SRPK1: variants seen among roughly 807,000 people sequenced by gnomAD.
SRPK1 encodes SFRS protein kinase 1.
A neutral mutation model predicts 89.5 loss-of-function variants in SRPK1; 52 were observed. The ratio of observed to expected loss-of-function variants is 0.58; its 90% CI spans 0.46 to 0.73. The LOEUF is 0.73. Among genes scored for constraint, SRPK1 ranks in the 30% least tolerant of loss-of-function variants. The probability of loss-of-function intolerance (pLI) is 0.00; values close to 1 mark genes in which losing one functional copy is unlikely to be tolerated. For synonymous variants in SRPK1, 255 were observed against 270.2 expected, an observed-to-expected ratio of 0.94 and a Z score of 0.55; for missense variants, 603 against 780.6, an observed-to-expected ratio of 0.77 and a Z score of 2.71.
At chr6:35,839,004 G>A (rs1769243269) in intron 14 of SRPK1, among the ~76,000 whole-genome samples, 1 of 152,200 alleles carries the variant, frequency 6.6e-6, no homozygotes, top group Admixed American at 6.5e-5. Flanking sequence ...GGATTTTGGA[G>A]GCTTATCTTC....
rs537008766 is a variant in SRPK1, at chr6:35,891,593, C to T, written c.75-580G>A. Among the ~76,000 whole-genome samples the T allele has an allele frequency of 7.8e-4, 119 of 152,014 alleles. 1 individual carries two copies. The highest frequency in any genetic ancestry group is 2.5e-3 in the African/African-American group (102 of 41,456). ...AAAATTTGCCCAGCGTGGTGGTGGG[C>T]ACCCCACGCTGTAATCCCAGCTACT... On this transcript the variant is annotated intron_variant, in intron 2 of 15. Coordinates refer to ENST00000373825, the MANE Select transcript of SRPK1 (RefSeq NM_003137.5).
chr6:35,857,489 T>C, intron 12 of SRPK1, 121 bp from the exon 13 acceptor site: 1 of 772,526 alleles, frequency 1.3e-6, no homozygotes, highest in Non-Finnish European at 2.1e-6. Flanking sequence ...AGTTCTCACT[T>C]TGCTTATTTC....
intron 2 of SRPK1, 73 bp from the exon 3 acceptor site, chr6:35,891,086 C>A: frequency 1.4e-6 from 2 of 1,469,644 alleles, no homozygotes; most frequent in South Asian, 1.4e-5. Flanking sequence ...GCTGCCCTCC[C>A]CACAAAAAAC....
At chr6:35,915,317 G>A (rs1314938491) in intron 2 of SRPK1, among the ~76,000 whole-genome samples, 1 of 150,042 alleles carries the variant, frequency 6.7e-6, no homozygotes, top group East Asian at 2.0e-4. Context: ...TGAGGCAGGA[G>A]AATGGCATGA....
At chr6:35,918,447 G>C (rs906521773) in intron 2 of SRPK1, among the ~76,000 whole-genome samples, 2 of 151,864 alleles carry the variant, frequency 1.3e-5, no homozygotes, top group African/African-American at 2.4e-5. Context: ...GTTGCAGTGA[G>C]CCGAGATCGC....
chr6:35,874,553 C>T (rs954703816), intron 6 of SRPK1, among the ~76,000 whole-genome samples: 2 of 152,092 alleles, frequency 1.3e-5, no homozygotes, highest in Admixed American at 6.5e-5. Context: ...AAATTGTGGG[C>T]GGCTGGCTTC....
At position 35,870,487 on chromosome 6, in the gene SRPK1, T is replaced by C. The variant is rs924782494; in HGVS notation, c.785A>G (p.Lys262Arg). Residue 262 changes from lysine (K) to arginine (R), a missense_variant, in exon 10 of 16, where the codon AAA becomes AGA. Transcript: ENST00000373825. The stretch of plus-strand genomic sequence containing the variant: ...TTTCTTCTTCTTATTCTTTGACATT[T>C]TGTCAGCCTGGGCGGAGATTACAAA... ...STAPQPKPADKMSKNKKKKLK... is the reference protein window; with the variant it reads ...STAPQPKPADRMSKNKKKKLK... The C allele has an allele frequency of 1.9e-6, 3 of 1,551,064 alleles. No homozygotes were observed. The Admixed American group carries it at 5.9e-5, about 30-fold the overall frequency.
intron 12 of SRPK1, among the ~76,000 whole-genome samples, chr6:35,860,231 T>C (rs928591367): frequency 6.6e-6 from 1 of 152,178 alleles, no homozygotes; most frequent in African/African-American, 2.4e-5. Context: ...TGAAACTTAA[T>C]GTCCAATGTT....
intron 6 of SRPK1, among the ~76,000 whole-genome samples, chr6:35,885,112 T>C (rs565197112): frequency 3.2e-4 from 49 of 152,276 alleles, no homozygotes; most frequent in Admixed American, 2.1e-3. Context: ...TTTCTATAGT[T>C]TTACTTGGAA....
chr6:35,838,778 C>T, intron 14 of SRPK1: 1 of 1,382,226 alleles, frequency 7.2e-7, no homozygotes, highest in Non-Finnish European at 9.7e-7. Flanking sequence ...CCTATCAGCT[C>T]TATAATGTGC....
rs575376625 is a variant in SRPK1 at position 35,850,273 on chromosome 6, C to T, written c.1620+6988G>A. Among the ~76,000 whole-genome samples the T allele has an allele frequency of 2.6e-5, 4 of 152,212 alleles. No individual in the cohort carries two copies. In the East Asian group the frequency reaches 5.8e-4, roughly 22 times the overall value. On this transcript the variant is annotated intron_variant, in intron 13 of 15. Transcript: ENST00000373825. ...CAAACCAGATATGCCAAGTTTTGTT[C>T]AAATTTTGTTTAGAAGTCTACTTAC...
chr6:35,920,893 A>T, intron 1 of SRPK1, 151 bp downstream of exon 1: 1 of 769,842 alleles, frequency 1.3e-6, no homozygotes, highest in Non-Finnish European at 1.9e-6. Flanking sequence ...CGCAGCCCAG[A>T]GGCAGGGGGT....
At chr6:35,915,997 T>A (rs74867713) in intron 2 of SRPK1, among the ~76,000 whole-genome samples, 15 of 90,186 alleles carry the variant, frequency 1.7e-4, no homozygotes, top group African/African-American at 4.5e-4. Flanking sequence ...AAAAAATATA[T>A]ACACACACAC....
At chr6:35,879,770 A>G (rs1315484484) in intron 6 of SRPK1, among the ~76,000 whole-genome samples, 4 of 152,112 alleles carry the variant, frequency 2.6e-5, no homozygotes, top group Non-Finnish European at 5.9e-5. Context: ...ACTTTAAAAC[A>G]AATGTCTTAA....
intron 2 of SRPK1, among the ~76,000 whole-genome samples, chr6:35,897,810 C>G (rs1770655671): frequency 1.3e-5 from 2 of 152,202 alleles, no homozygotes; most frequent in African/African-American, 4.8e-5. Flanking sequence ...CCACACCCAT[C>G]CTGTAGCTTT....
intron 3 of SRPK1, 74 bp from the exon 4 acceptor site, chr6:35,888,997 T>C (rs1028358779): frequency 8.3e-6 from 8 of 966,986 alleles, no homozygotes; most frequent in South Asian, 4.0e-5. Context: ...ATTTTTAACA[T>C]CACATTTTTC....
chr6:35,862,189 C>G (rs540390604), intron 12 of SRPK1, among the ~76,000 whole-genome samples: 35 of 152,198 alleles, frequency 2.3e-4, no homozygotes, highest in African/African-American at 8.4e-4. Context: ...GGCCTGAGAA[C>G]CTGCCCATAT....
At chr6:35,873,129 C>T (rs1057246156) in intron 7 of SRPK1, among the ~76,000 whole-genome samples, 6 of 152,166 alleles carry the variant, frequency 3.9e-5, no homozygotes, top group Non-Finnish European at 8.8e-5. Context: ...CAGTTTGGAG[C>T]TCTTTCCAGG....
intron 3 of SRPK1, among the ~76,000 whole-genome samples, chr6:35,890,056 C>T (rs962362059): frequency 5.3e-5 from 8 of 151,976 alleles, no homozygotes; most frequent in African/African-American, 1.9e-4. Flanking sequence ...TGCAGTGAGC[C>T]GAGATCGCGC....
Sources: gnomAD v4.1 joint callset for allele counts (sites outside exome capture counted in the v4.1 genomes callset) on GRCh38, gnomAD v4.1.1 for gene constraint, MANE v1.5 for transcripts, NCBI Gene and HGNC (gene_info 2026-07-23, HGNC 2026-07-21) for gene names.